The following SEMA3A variants were observed in gnomAD, a reference collection of about 807,000 sequenced individuals.
The protein encoded by SEMA3A is semaphorin 3A, also known as semaphorin-3A.
A neutral mutation model predicts 97.9 loss-of-function variants in SEMA3A; 29 were observed. The ratio of observed to expected loss-of-function variants is 0.30; its 90% CI spans 0.22 to 0.40. The LOEUF is 0.40. Ranked by LOEUF, SEMA3A falls within the 10% of genes least tolerant of loss-of-function variation. SEMA3A has a pLI of 1.00. For synonymous variants in SEMA3A, 321 were observed against 323.7 expected (o/e 0.99, Z 0.09); for missense variants, 763 against 951.3 (o/e 0.80, Z 2.60).
intron 3 of SEMA3A, among the ~76,000 whole-genome samples, chr7:84,123,547 G>C (rs1447410891): frequency 6.6e-6 from 1 of 151,254 alleles, no homozygotes; most frequent in African/African-American, 2.4e-5. Context: ...AGTTCTACAA[G>C]AGAAAATTAA....
chr7:84,334,389 A>G (rs962728039), intron 2 of SEMA3A, among the ~76,000 whole-genome samples: 10 of 152,120 alleles, frequency 6.6e-5, no homozygotes, highest in Non-Finnish European at 1.5e-4. Flanking sequence ...ACCTGAGATG[A>G]GATTTTATGG....
chr7:83,989,366 T>G (rs1003607296), intron 12 of SEMA3A, among the ~76,000 whole-genome samples: 1 of 151,922 alleles, frequency 6.6e-6, no homozygotes, highest in Admixed American at 6.6e-5. Context: ...GTGCACCTTG[T>G]GCAGGTTAGT....
intron 1 of SEMA3A, among the ~76,000 whole-genome samples, chr7:84,400,078 C>T (rs559041): frequency 0.11 from 17,481 of 152,070 alleles, 1,886 homozygotes; most frequent in African/African-American, 0.27. Context: ...GCTTAGTGTG[C>T]CATGTAGTGT....
intron 1 of SEMA3A, among the ~76,000 whole-genome samples, chr7:84,444,801 C>A (rs1013583118): frequency 2.0e-5 from 3 of 152,020 alleles, no homozygotes; most frequent in Non-Finnish European, 4.4e-5. Flanking sequence ...ACCTCGTGAT[C>A]CGCCTGCCAC....
At chr7:84,438,848 T>C (rs942876081) in intron 1 of SEMA3A, among the ~76,000 whole-genome samples, 4 of 152,074 alleles carry the variant, frequency 2.6e-5, no homozygotes, top group Non-Finnish European at 5.9e-5. Context: ...ATATATTTTT[T>C]AATTTTCTTA....
intron 1 of SEMA3A, among the ~76,000 whole-genome samples, chr7:84,181,787 CA>C (rs1283308743): frequency 2.6e-5 from 4 of 152,152 alleles, no homozygotes; most frequent in African/African-American, 9.7e-5. Flanking sequence ...CTCACCTTCA[CA>C]TATCATTTAC....
intron 6 of SEMA3A, among the ~76,000 whole-genome samples, chr7:84,020,035 C>CTTTTTTTTTTTTTTTTTTTTT (rs781108685): frequency 5.1e-5 from 3 of 58,258 alleles, no homozygotes; most frequent in East Asian, 5.6e-4. Context: ...TTTTTTCTTT[C>CTTTTTTTTTTTTTTTTTTTTT]TTTTTTTTTT....
intron 3 of SEMA3A, among the ~76,000 whole-genome samples, chr7:84,269,210 CTG>C (rs1481847395): frequency 6.6e-6 from 1 of 152,078 alleles, no homozygotes; most frequent in African/African-American, 2.4e-5. Flanking sequence ...CTGGAGCACT[CTG>C]TTCCTTCCAT....
At chr7:84,094,093 AC>A (rs1488124327) in intron 4 of SEMA3A, among the ~76,000 whole-genome samples, 2 of 152,066 alleles carry the variant, frequency 1.3e-5, no homozygotes, top group African/African-American at 4.8e-5. Flanking sequence ...TGGAAGTCTG[AC>A]TGGATAGGGT....
intron 3 of SEMA3A, among the ~76,000 whole-genome samples, chr7:84,293,285 G>A (rs1409671532): frequency 6.6e-6 from 1 of 151,984 alleles, no homozygotes; most frequent in Non-Finnish European, 1.5e-5. Context: ...GAGCCAGTTA[G>A]GAACACTTTG....
intron 2 of SEMA3A, among the ~76,000 whole-genome samples, chr7:84,363,658 A>G (rs1802777478): frequency 6.6e-6 from 1 of 151,876 alleles, no homozygotes; most frequent in Non-Finnish European, 1.5e-5. Context: ...TGGTTTAGAC[A>G]AATTGTGATT....
At chr7:84,187,768 T>G (rs1797929074) in intron 1 of SEMA3A, among the ~76,000 whole-genome samples, 2 of 152,122 alleles carry the variant, frequency 1.3e-5, no homozygotes, top group Non-Finnish European at 2.9e-5. Context: ...GCATATTATT[T>G]GTTAATTTTT....
intron 1 of SEMA3A, among the ~76,000 whole-genome samples, chr7:84,162,028 T>C (rs529371441): frequency 6.6e-6 from 1 of 152,270 alleles, no homozygotes; most frequent in African/African-American, 2.4e-5. Context: ...TAACATATGG[T>C]CTTATTGGAT....
Position 84,322,726 on chromosome 7 carries a change from G to A in SEMA3A, c.-168-15434C>T, listed in dbSNP as rs139731523. On this transcript the variant is annotated intron_variant, in intron 2 of 3. Transcript: ENST00000424555. ...TCTCAGGTGTGTCTTCATTAGCAGC[G>A]TGAGAACAGACTAATACAATCATTT... Among the ~76,000 whole-genome samples the A allele has an allele frequency of 4.2e-3, 641 of 152,176 alleles. 5 individuals are homozygous for A. Among genetic ancestry groups the A allele is most frequent in the African/African-American group, 0.014 (601 of 41,528 alleles).
chr7:84,008,490 C>CA (rs752729583), intron 9 of SEMA3A, among the ~76,000 whole-genome samples: 17,985 of 80,830 alleles, frequency 0.22, 1,600 homozygotes, highest in East Asian at 0.35. Flanking sequence ...GACTCCGTCT[C>CA]AAAAAAAAAA....
chr7:83,990,873 G>C (rs1789893014), intron 12 of SEMA3A, among the ~76,000 whole-genome samples: 1 of 151,616 alleles, frequency 6.6e-6, no homozygotes, highest in Non-Finnish European at 1.5e-5. Context: ...TTGGTAGCTT[G>C]ATGGGGATGG....
At chr7:84,144,859 C>G (rs919545961) in intron 1 of SEMA3A, among the ~76,000 whole-genome samples, 1 of 152,130 alleles carries the variant, frequency 6.6e-6, no homozygotes, top group African/African-American at 2.4e-5. Flanking sequence ...GATATTACAT[C>G]ACTTGCCTCC....
intron 3 of SEMA3A, among the ~76,000 whole-genome samples, chr7:84,285,871 C>A (rs1436496228): frequency 4.0e-5 from 6 of 150,646 alleles, no homozygotes; most frequent in Non-Finnish European, 7.4e-5. Flanking sequence ...TTGGGGATGT[C>A]CAGGCTGCAG....
intron 4 of SEMA3A, among the ~76,000 whole-genome samples, chr7:84,098,515 T>G (rs1378348496): frequency 6.6e-6 from 1 of 152,086 alleles, no homozygotes; most frequent in Non-Finnish European, 1.5e-5. Context: ...GCACTAGTTT[T>G]ATTAAAACAC....
Sources: gnomAD v4.1 joint callset for allele counts (sites outside exome capture counted in the v4.1 genomes callset) on GRCh38, gnomAD v4.1.1 for gene constraint, MANE v1.5 for transcripts, NCBI Gene and HGNC (gene_info 2026-07-23, HGNC 2026-07-21) for gene names.